Variants in AGO1 observed in about 807,000 individuals in gnomAD.
The protein encoded by AGO1 is argonaute RISC component 1, also known as protein argonaute-1.
AGO1 carries 11 observed loss-of-function variants against 109.2 expected under a neutral mutation model. The ratio of observed to expected loss-of-function variants is 0.10; its 90% CI spans 0.06 to 0.17. AGO1 has a LOEUF of 0.17. Ranked by LOEUF, AGO1 falls within the 10% of genes least tolerant of loss-of-function variation. AGO1 has a pLI of 1.00. For missense variants in AGO1, 574 were observed against 1,140.3 expected, an observed-to-expected ratio of 0.50 and a Z score of 7.15; for synonymous variants, 422 against 418.6, an observed-to-expected ratio of 1.01 and a Z score of -0.10.
rs1233706936 is a variant in AGO1, at chr1:35,901,393, G to A, written c.1021-81G>A. 29 of 1,582,574 alleles carry A rather than the reference G, an allele frequency of 1.8e-5. No individual in the cohort carries two copies. The highest frequency in any genetic ancestry group is 2.5e-5 in the Non-Finnish European group (29 of 1,160,044). On this transcript the variant is annotated intron_variant, in intron 8 of 18. Transcript: ENST00000373204. The surrounding 1 kb of genome is among the most constrained non-coding windows in gnomAD (Gnocchi z 4.8). Reference sequence around the variant, plus strand: ...CCCTTCCCCATGGCTGACAGCCAAGGTATCTTTCCTTATTGTGGGGCTCTG... The same window carrying A: ...CCCTTCCCCATGGCTGACAGCCAAGATATCTTTCCTTATTGTGGGGCTCTG...
At position 35,917,727 on chromosome 1, in the gene AGO1, A is replaced by G. The variant is rs759256057; in HGVS notation, c.2163A>G (p.Arg721=). 2.5e-6 allele frequency: 4 copies of G among 1,612,594 alleles called. No individual in the cohort carries two copies. The Admixed American group carries it at 5.0e-5, about 20-fold the overall frequency. ...TTTTCTGTGCTGACAAGAATGAGCG[A>G]GTGAGTGAGGGACTGAGGCCTCCCA... The part of the protein sequence containing the change: ...TRLFCADKNE[R]IGKSGNIPAG... Residue 721 remains arginine (R), a splice_region_variant and synonymous_variant, in exon 16 of 19, where the codon CGA becomes CGG. Transcript: ENST00000373204.
intron 1 of AGO1, among the ~76,000 whole-genome samples, chr1:35,872,214 C>G (rs1462561510): frequency 5.1e-5 from 7 of 138,352 alleles, no homozygotes; most frequent in African/African-American, 1.1e-4. Context: ...GAGACGGAGT[C>G]TCGCTCTGTC....
chr1:35,888,389 T>A lies in AGO1; in HGVS notation c.26-38T>A, dbSNP rs558208545. ...CCTCTGATAAGAGTAGTTAGGAGAT[T>A]GCCAGACTTTACCCTCACCAGCCTC... On this transcript the variant is annotated intron_variant, in intron 1 of 18. Transcript: ENST00000373204. This position sits in a 1 kb window ranked among gnomAD's most constrained non-coding sequence, Gnocchi z 4.1. 1 of 1,605,626 alleles carries A rather than the reference T, an allele frequency of 6.2e-7. No homozygotes were observed. The highest frequency in any genetic ancestry group is 2.2e-5 in the East Asian group (1 of 44,858).
chr1:35,891,663 C>G (rs918977508), intron 2 of AGO1, among the ~76,000 whole-genome samples: 2 of 151,996 alleles, frequency 1.3e-5, no homozygotes, highest in African/African-American at 2.4e-5. Flanking sequence ...CTCTCAGGCT[C>G]AAGTGATCCT....
chr1:35,919,237 G>A lies in AGO1; in HGVS notation c.2448G>A (p.Val816=). 6.2e-7 allele frequency: 1 copy of A among 1,613,804 alleles called. No homozygotes were observed. The highest frequency in any genetic ancestry group is 8.5e-7 in the Non-Finnish European group (1 of 1,179,896). ...CTTTCCGGGCACGATACCACCTGGT[G>A]GACAAGGAGCATGACAGGTGAGGCC... ...LVAFRARYHL[V]DKEHDSGEGS... Residue 816 remains valine (V), a synonymous_variant, in exon 18 of 19, where the codon GTG becomes GTA. Coordinates refer to ENST00000373204, the MANE Select transcript of AGO1 (RefSeq NM_012199.5). The surrounding 1 kb of genome is among the most constrained non-coding windows in gnomAD (Gnocchi z 6.6).
rs1198474274 is a variant in AGO1 at position 35,883,859 on chromosome 1, C to CTAA, written c.25+415_25+417dup. ...GGGGGCTCCGCTGGGCTGGAATAGG[C>CTAA]TAATGTCTCTTGGGAGAAGGCGCCA... On this transcript the variant is annotated intron_variant, in intron 1 of 18. Coordinates refer to ENST00000373204, the MANE Select transcript of AGO1 (RefSeq NM_012199.5). This position sits in a 1 kb window ranked among gnomAD's most constrained non-coding sequence, Gnocchi z 5.4. Among the ~76,000 whole-genome samples the CTAA allele has an allele frequency of 1.3e-5, 2 of 152,200 alleles. No homozygotes were observed. The highest frequency in any genetic ancestry group is 2.4e-5 in the African/African-American group (1 of 41,456).
chr1:35,905,536 C>A (rs559121567), intron 11 of AGO1, among the ~76,000 whole-genome samples: 1 of 152,220 alleles, frequency 6.6e-6, no homozygotes, highest in South Asian at 2.1e-4. Flanking sequence ...GGCGCAATCT[C>A]GGCTCACTGC....
At position 35,888,441 on chromosome 1, in the gene AGO1, C is replaced by T; in HGVS notation, c.40C>T (p.Leu14=). The change falls in exon 2 of 19, where the codon CTG becomes TTG. Residue 14 remains leucine, a synonymous_variant. Transcript: ENST00000373204. This position sits in a 1 kb window ranked among gnomAD's most constrained non-coding sequence, Gnocchi z 4.1. ...GPSGAAAGAY[L]PPLQQVFQAP... Reference sequence around the variant, plus strand: ...TTGTCTTGTAGCTGCGGGCGCTTACCTGCCCCCCCTGCAGCAGGTGTTCCA... The same window carrying T: ...TTGTCTTGTAGCTGCGGGCGCTTACTTGCCCCCCCTGCAGCAGGTGTTCCA... 6.2e-7 allele frequency: 1 copy of T among 1,614,102 alleles called. No homozygotes were observed. Among genetic ancestry groups the T allele is most frequent in the Non-Finnish European group, 8.5e-7 (1 of 1,179,980 alleles).
intron 1 of AGO1, among the ~76,000 whole-genome samples, chr1:35,876,534 G>C (rs906907148): frequency 1.3e-5 from 2 of 152,112 alleles, no homozygotes; most frequent in African/African-American, 2.4e-5. Context: ...CCAAAGTGCT[G>C]GGATTACAGG....
upstream of AGO1, among the ~76,000 whole-genome samples, chr1:35,879,779 A>C (rs978858427): frequency 1.5e-5 from 2 of 134,914 alleles, no homozygotes; most frequent in African/African-American, 2.8e-5. Flanking sequence ...TGCTATCTGG[A>C]TTTCCATTTT....
chr1:35,895,464 T>C (rs540032554), intron 8 of AGO1, among the ~76,000 whole-genome samples, 195 bp downstream of exon 8: 2 of 152,314 alleles, frequency 1.3e-5, no homozygotes, highest in Non-Finnish European at 2.9e-5. Flanking sequence ...TCTCATGTTC[T>C]TTCAGGGCTG....
At chr1:35,871,466 C>G (rs1644950556) in intron 1 of AGO1, among the ~76,000 whole-genome samples, 1 of 151,734 alleles carries the variant, frequency 6.6e-6, no homozygotes, top group Admixed American at 6.6e-5. Context: ...TCACTTGAAC[C>G]CAGGAGGCGG....
chr1:35,924,332 A>G lies in AGO1; in HGVS notation c.*4725A>G, dbSNP rs188911199. 8 of 152,824 alleles carry G rather than the reference A, an allele frequency of 5.2e-5. No individual in the cohort carries two copies. Among genetic ancestry groups the G allele is most frequent in the African/African-American group, 1.9e-4 (8 of 41,558 alleles). 9.5% of individuals were successfully genotyped at this position (152,824 alleles called of 1,614,324 possible). A position where few individuals can be genotyped will look rare whatever the true frequency, so the allele number is the denominator to read the frequency against. ...CTTTCTCTTTTTTTTTCCTACCAGC[A>G]AAACAAACTTTTGGGACTGATTACA... On this transcript the variant is annotated 3_prime_UTR_variant, in exon 19 of 19. Transcript: ENST00000373204.
Position 35,890,586 on chromosome 1 carries a change from C to T in AGO1, c.210-1971C>T, listed in dbSNP as rs539829038. On this transcript the variant is annotated intron_variant, in intron 2 of 18. Coordinates refer to ENST00000373204, the MANE Select transcript of AGO1 (RefSeq NM_012199.5). ...GAGGAACATTTGAGTCTAAATTCTG[C>T]TACTAAAATGAAACTGTTGAATATT... Among the ~76,000 whole-genome samples the T allele has an allele frequency of 9.7e-4, 148 of 152,232 alleles. 2 individuals carry two copies. The highest frequency in any genetic ancestry group is 8.6e-3 in the Admixed American group (132 of 15,294).
At chr1:35,899,341 C>T (rs1199190432) in intron 8 of AGO1, among the ~76,000 whole-genome samples, 1 of 152,174 alleles carries the variant, frequency 6.6e-6, no homozygotes, top group Non-Finnish European at 1.5e-5. Flanking sequence ...AATAATGCTG[C>T]TGTGAACAGA....
intron 2 of AGO1, among the ~76,000 whole-genome samples, chr1:35,890,522 G>A (rs931446513): frequency 6.6e-6 from 1 of 152,096 alleles, no homozygotes; most frequent in Non-Finnish European, 1.5e-5. Context: ...TTTTGCATAG[G>A]TTGAGTGGCT....
chr1:35,925,805 C>T lies in AGO1; in HGVS notation c.*6198C>T, dbSNP rs561018703. The T allele has an allele frequency of 1.3e-5, 2 of 152,318 alleles. No homozygotes were observed. The highest frequency in any genetic ancestry group is 6.5e-5 in the Admixed American group (1 of 15,300). 9.4% of individuals were successfully genotyped at this position (152,318 alleles called of 1,614,324 possible). On this transcript the variant is annotated 3_prime_UTR_variant, in exon 19 of 19. Transcript: ENST00000373204. ...TAATTGTCAAGCATGTAAATTCTGG[C>T]ATTCTTCCTGGTACTGCTAGAGCAT... is the stretch of plus-strand genomic sequence containing the variant.
chr1:35,906,177 A>G (rs1452429992), intron 11 of AGO1, among the ~76,000 whole-genome samples: 1 of 152,212 alleles, frequency 6.6e-6, no homozygotes, highest in Admixed American at 6.5e-5. Flanking sequence ...AGGAAGCTTA[A>G]TAATTGGCTC....
At chr1:35,895,388 T>A (rs1645299928) in intron 8 of AGO1, 119 bp downstream of exon 8, 7 of 1,167,880 alleles carry the variant, frequency 6.0e-6, no homozygotes, top group Non-Finnish European at 5.8e-6. Flanking sequence ...AGGTATGAGG[T>A]AGTTCTCCTG....
Sources: gnomAD v4.1 joint callset for allele counts (sites outside exome capture counted in the v4.1 genomes callset) on GRCh38, gnomAD v4.1.1 for gene constraint, Gnocchi (gnomAD v3.1) non-coding constraint, MANE v1.5 for transcripts, NCBI Gene and HGNC (gene_info 2026-07-23, HGNC 2026-07-21) for gene names.